TBC1D1: variants seen among roughly 807,000 people sequenced by gnomAD.
TBC1D1 encodes the protein TBC1 (tre-2/USP6, BUB2, cdc16) domain family, member 1.
In TBC1D1, 89 loss-of-function variants were observed where a neutral mutation model predicts 125.6. That is an observed-to-expected ratio of 0.71 (90% confidence interval 0.60 to 0.85). The LOEUF (loss-of-function observed/expected upper bound fraction) is 0.85. TBC1D1 is among the 40% of genes least tolerant of loss of function. The pLI, the probability that TBC1D1 is intolerant of heterozygous loss-of-function variation, is 0.00. For synonymous variants in TBC1D1, 565 were observed against 564.1 expected, an observed-to-expected ratio of 1.00 and a Z score of -0.02; for missense variants, 1,377 against 1,469.2, an observed-to-expected ratio of 0.94 and a Z score of 1.03.
chr4:37,893,708 C>T (rs1713883288), intron 1 of TBC1D1, among the ~76,000 whole-genome samples: 1 of 152,148 alleles, frequency 6.6e-6, no homozygotes, highest in Non-Finnish European at 1.5e-5. Context: ...TGCCTGTAGT[C>T]CCAGCTATTT....
chr4:37,991,292 G>A (rs562745518), intron 2 of TBC1D1, among the ~76,000 whole-genome samples: 2 of 152,228 alleles, frequency 1.3e-5, no homozygotes, highest in Admixed American at 6.5e-5. Flanking sequence ...TTTATTCTGG[G>A]TGCCAGAGAT....
chr4:38,124,782 T>C (rs1173280186), intron 17 of TBC1D1, among the ~76,000 whole-genome samples, 180 bp from the exon 20 acceptor site: 1 of 152,224 alleles, frequency 6.6e-6, no homozygotes, highest in African/African-American at 2.4e-5. Context: ...TGTACTTTTA[T>C]TTGCAATACT....
intron 15 of TBC1D1, chr4:38,110,530 A>G (rs528267133): frequency 6.1e-6 from 6 of 985,332 alleles, no homozygotes; most frequent in Non-Finnish European, 7.2e-6. Context: ...ATTTAGAAAT[A>G]TGTTTGAATT....
In TBC1D1 at chr4:38,137,534, A is replaced by T; in HGVS notation, c.*199A>T. On this transcript the variant is annotated 3_prime_UTR_variant, in exon 20 of 20. Coordinates refer to ENST00000261439, the MANE Select transcript of TBC1D1 (RefSeq NM_015173.4). ...CCAGTGTTTTTTTTGTTGTTTTTAGATACTAAATCGTCCCTTCTCCAGTCC... is the reference window on the plus strand; with the variant it reads ...CCAGTGTTTTTTTTGTTGTTTTTAGTTACTAAATCGTCCCTTCTCCAGTCC... 2.8e-6 allele frequency: 2 copies of T among 707,684 alleles called. No homozygotes were observed. The highest frequency in any genetic ancestry group is 4.0e-6 in the Non-Finnish European group (2 of 493,942). 43.8% of individuals were successfully genotyped at this position (707,684 alleles called of 1,614,324 possible). A position where few individuals can be genotyped will look rare whatever the true frequency, so the allele number is the denominator to read the frequency against.
chr4:38,045,482 G>A (rs959447023), intron 9 of TBC1D1, among the ~76,000 whole-genome samples: 3 of 152,188 alleles, frequency 2.0e-5, no homozygotes, highest in African/African-American at 4.8e-5. Flanking sequence ...GCGGCTGGCC[G>A]TTATGATGAC....
rs1410602823 is a variant in TBC1D1, at chr4:37,946,931, A to C, written c.417+44419A>C. ...GGTTCCTAGCCGCTTTTTATGTAAT[A>C]GCCAAAAATGGAAAACAATCTAGAA... On this transcript the variant is annotated intron_variant, in intron 2 of 19. Transcript: ENST00000261439. 2.0e-5 allele frequency among the ~76,000 whole-genome samples: 3 copies of C among 152,200 alleles called. No homozygotes were observed. In the East Asian group the frequency reaches 5.8e-4, roughly 29 times the overall value.
At chr4:38,104,083 C>T (rs1760841559) in intron 15 of TBC1D1, among the ~76,000 whole-genome samples, 1 of 145,326 alleles carries the variant, frequency 6.9e-6, no homozygotes, top group Non-Finnish European at 1.5e-5. Flanking sequence ...TGGCGTGAAC[C>T]CAGGAGGCGG....
chr4:37,899,060 G>A (rs1715255199), intron 1 of TBC1D1, among the ~76,000 whole-genome samples: 1 of 152,180 alleles, frequency 6.6e-6, no homozygotes, highest in Non-Finnish European at 1.5e-5. Flanking sequence ...GCAGGGGTGT[G>A]ATATGATAAA....
intron 13 of TBC1D1, among the ~76,000 whole-genome samples, chr4:38,093,392 G>A (rs1758754388): frequency 6.6e-6 from 1 of 152,090 alleles, no homozygotes; most frequent in Non-Finnish European, 1.5e-5. Context: ...TCCATTGTAG[G>A]CACTTGGAAG....
chr4:38,096,806 TA>T (rs1293972273), intron 14 of TBC1D1, among the ~76,000 whole-genome samples: 2 of 152,242 alleles, frequency 1.3e-5, no homozygotes, highest in East Asian at 3.8e-4. Flanking sequence ...TGTTTTTTTT[TA>T]AATTTTGTTT....
rs145301594 is a variant in TBC1D1, at chr4:37,987,447, G to A, written c.418-27062G>A. Reference sequence around the variant, plus strand: ...TTGTCTCTGTAACGGGGATTACAACGCATGTTCAATATGTGAAACAAGGGC... The same window carrying A: ...TTGTCTCTGTAACGGGGATTACAACACATGTTCAATATGTGAAACAAGGGC... On this transcript the variant is annotated intron_variant, in intron 2 of 19. Transcript: ENST00000261439. 2.1e-3 allele frequency among the ~76,000 whole-genome samples: 312 copies of A among 152,152 alleles called. 1 individual carries two copies. The highest frequency in any genetic ancestry group is 7.3e-3 in the African/African-American group (301 of 41,502).
chr4:37,992,263 GGCCCGGACC>G (rs1736731269), intron 2 of TBC1D1, among the ~76,000 whole-genome samples: 1 of 152,126 alleles, frequency 6.6e-6, no homozygotes, highest in Non-Finnish European at 1.5e-5. Context: ...AGCAAGTGTA[GGCCCGGACC>G]AGCGCTTGAG....
intron 4 of TBC1D1, among the ~76,000 whole-genome samples, chr4:38,019,367 G>C (rs1214381999): frequency 6.6e-6 from 1 of 152,152 alleles, no homozygotes; most frequent in African/African-American, 2.4e-5. Context: ...ATTTCCTTAA[G>C]TGGTAGCCTT....
intron 2 of TBC1D1, among the ~76,000 whole-genome samples, chr4:37,988,754 A>G (rs550633054): frequency 8.5e-5 from 13 of 152,336 alleles, no homozygotes; most frequent in African/African-American, 3.1e-4. Flanking sequence ...CAAAATTTGA[A>G]GCACCCCAAC....
Position 38,021,716 on chromosome 4 carries a change from A to AG in TBC1D1, c.1210+1dup. On this transcript the variant is annotated frameshift_variant and splice_region_variant, in exon 6 of 20. Coordinates refer to ENST00000261439, the MANE Select transcript of TBC1D1 (RefSeq NM_015173.4). LOFTEE classifies it high-confidence loss of function. ...CTGCACAAGCTCTGTGAGAGGATAG[A>AG]GGGTGAGTAGGGGACCCTTTCCAGC... The AG allele has an allele frequency of 6.4e-7, 1 of 1,563,528 alleles. No homozygotes were observed. Among genetic ancestry groups the AG allele is most frequent in the Non-Finnish European group, 8.6e-7 (1 of 1,156,954 alleles).
chr4:37,920,423 A>G (rs1720710601), intron 2 of TBC1D1, among the ~76,000 whole-genome samples: 1 of 152,172 alleles, frequency 6.6e-6, no homozygotes, highest in Non-Finnish European at 1.5e-5. Flanking sequence ...CAAAACACAG[A>G]GCCAGTGTGA....
rs180673279 is a variant in TBC1D1, at chr4:37,970,461, T to C, written c.418-44048T>C. 2.6e-5 allele frequency among the ~76,000 whole-genome samples: 4 copies of C among 152,324 alleles called. No homozygotes were observed. In the East Asian group the frequency reaches 7.7e-4, roughly 29 times the overall value. On this transcript the variant is annotated intron_variant, in intron 2 of 19. Coordinates refer to ENST00000261439, the MANE Select transcript of TBC1D1 (RefSeq NM_015173.4). ...AGAACGTTAATCTTCTAAGCCTTTC[T>C]CCATGCGGATCCTTCTTCCTGGAAA...
chr4:38,122,892 T>C (rs550572097), intron 17 of TBC1D1, among the ~76,000 whole-genome samples: 1 of 152,346 alleles, frequency 6.6e-6, no homozygotes, highest in South Asian at 2.1e-4. Flanking sequence ...ATAAAGAGAC[T>C]TTAAAACACA....
chr4:38,014,452 T>G lies in TBC1D1; in HGVS notation c.418-57T>G. On this transcript the variant is annotated intron_variant, in intron 2 of 19. Transcript: ENST00000261439. The surrounding 1 kb of genome is among the most constrained non-coding windows in gnomAD (Gnocchi z 5.1). ...TCCCGAAAGAGCATGGTGCATTCATTCCGTGAGTGCCAGCCACACTGCATG... is the reference window on the plus strand; with the variant it reads ...TCCCGAAAGAGCATGGTGCATTCATGCCGTGAGTGCCAGCCACACTGCATG... 1 of 1,544,250 alleles carries G rather than the reference T, an allele frequency of 6.5e-7. No individual in the cohort carries two copies. Among genetic ancestry groups the G allele is most frequent in the Non-Finnish European group, 8.9e-7 (1 of 1,126,468 alleles).
Sources: gnomAD v4.1 joint callset for allele counts (sites outside exome capture counted in the v4.1 genomes callset) on GRCh38, gnomAD v4.1.1 for gene constraint, Gnocchi (gnomAD v3.1) non-coding constraint, MANE v1.5 for transcripts, NCBI Gene and HGNC (gene_info 2026-07-23, HGNC 2026-07-21) for gene names.